The following GALNT14 variants were observed in gnomAD, a reference collection of about 807,000 sequenced individuals.
GALNT14 encodes polypeptide N-acetylgalactosaminyltransferase 14.
Under a neutral mutation model 77.5 loss-of-function variants are expected in GALNT14, and 60 were observed. The observed-to-expected ratio is 0.77, with a 90% CI of 0.63 to 0.96. The LOEUF (loss-of-function observed/expected upper bound fraction) is 0.96, where lower values mean the gene tolerates loss of function less well. Ranked by LOEUF, GALNT14 falls within the 40% of genes least tolerant of loss-of-function variation. The pLI, the probability that GALNT14 is intolerant of heterozygous loss-of-function variation, is 0.00. For missense variants in GALNT14, 710 were observed against 731.0 expected, an observed-to-expected ratio of 0.97 and a Z score of 0.33; for synonymous variants, 280 against 281.7, an observed-to-expected ratio of 0.99 and a Z score of 0.06.
chr2:30,976,514 G>C (rs1445426675), intron 2 of GALNT14, among the ~76,000 whole-genome samples: 1 of 152,082 alleles, frequency 6.6e-6, no homozygotes, highest in African/African-American at 2.4e-5. Flanking sequence ...GCAGATCTAT[G>C]GAGGCTGCAA....
intron 2 of GALNT14, among the ~76,000 whole-genome samples, chr2:30,992,174 G>T (rs544323476): frequency 2.6e-5 from 4 of 152,244 alleles, no homozygotes; most frequent in Non-Finnish European, 5.9e-5. Flanking sequence ...CTCTATAAAG[G>T]GTCGGTCGTG....
intron 2 of GALNT14, among the ~76,000 whole-genome samples, chr2:30,973,685 G>T (rs1375885586): frequency 1.3e-5 from 2 of 152,150 alleles, no homozygotes; most frequent in Non-Finnish European, 2.9e-5. Flanking sequence ...CATTTCATGG[G>T]CAACACTGAT....
Position 31,053,881 on chromosome 2 carries a change from G to T in GALNT14, c.130-60874C>A, listed in dbSNP as rs72854833. On this transcript the variant is annotated intron_variant, in intron 1 of 14. Coordinates refer to ENST00000349752, the MANE Select transcript of GALNT14 (RefSeq NM_024572.4). ...ATAGCATTTAAGTCTGATCAAGGCT[G>T]GTAAGACCCTTCTGGGCTTCTCTTA... 6.0e-3 allele frequency among the ~76,000 whole-genome samples: 912 copies of T among 152,270 alleles called. 8 individuals are homozygous for T. The highest frequency in any genetic ancestry group is 0.021 in the African/African-American group (856 of 41,534).
At chr2:30,965,122 C>T (rs187500718) in intron 3 of GALNT14, among the ~76,000 whole-genome samples, 5 of 152,060 alleles carry the variant, frequency 3.3e-5, no homozygotes, top group Admixed American at 2.0e-4. Context: ...TTCCTGGCCC[C>T]GAAGGATGCT....
intron 3 of GALNT14, among the ~76,000 whole-genome samples, chr2:30,963,965 C>A (rs1266273549): frequency 1.3e-5 from 2 of 152,174 alleles, no homozygotes; most frequent in East Asian, 3.8e-4. Flanking sequence ...TAAGATAAGT[C>A]CTTGCCCTAA....
intron 1 of GALNT14, among the ~76,000 whole-genome samples, chr2:31,048,627 C>CT (rs369825736): frequency 4.0e-5 from 6 of 151,622 alleles, no homozygotes; most frequent in East Asian, 1.9e-4. Flanking sequence ...CCTGCCTCCC[C>CT]GCAGCAGCAA....
chr2:30,938,401 C>A (rs1666189070), intron 9 of GALNT14, among the ~76,000 whole-genome samples: 1 of 151,966 alleles, frequency 6.6e-6, no homozygotes, highest in African/African-American at 2.4e-5. Flanking sequence ...CTCTCTCTCT[C>A]TCTCTCTAAC....
At chr2:31,018,544 G>A (rs775375776) in intron 1 of GALNT14, among the ~76,000 whole-genome samples, 5 of 152,154 alleles carry the variant, frequency 3.3e-5, no homozygotes, top group South Asian at 2.1e-4. Context: ...ATCCAGTCAC[G>A]TCCCATCAGG....
At chr2:31,131,945 G>T (rs1033994377) in intron 1 of GALNT14, among the ~76,000 whole-genome samples, 5 of 152,150 alleles carry the variant, frequency 3.3e-5, no homozygotes, top group Non-Finnish European at 7.4e-5. Flanking sequence ...ATTTGAGTAG[G>T]TATCATTCTG....
intron 9 of GALNT14, among the ~76,000 whole-genome samples, chr2:30,933,658 G>A (rs1392886747): frequency 6.6e-6 from 1 of 152,042 alleles, no homozygotes; most frequent in Non-Finnish European, 1.5e-5. Context: ...TAGACTCAAG[G>A]AGGAAGAGAG....
intron 1 of GALNT14, among the ~76,000 whole-genome samples, chr2:31,090,970 A>C (rs1046534436): frequency 1.3e-5 from 2 of 152,170 alleles, no homozygotes; most frequent in Non-Finnish European, 2.9e-5. Context: ...CTCCCTCAAA[A>C]ATATTTTCAC....
intron 1 of GALNT14, among the ~76,000 whole-genome samples, chr2:31,037,900 G>A (rs934578452): frequency 5.9e-5 from 9 of 151,490 alleles, no homozygotes; most frequent in African/African-American, 2.2e-4. Context: ...TCAGCCAAAG[G>A]TGAAAGATTA....
Position 30,910,601 on chromosome 2 carries a change from A to T in GALNT14, c.*300T>A, listed in dbSNP as rs1664297413. 2 of 279,680 alleles carry T rather than the reference A, an allele frequency of 7.2e-6. No individual in the cohort carries two copies. Among genetic ancestry groups the T allele is most frequent in the African/African-American group, 4.4e-5 (2 of 45,370 alleles). The allele number at this position is 279,680 out of a possible 1,614,324, so 17.3% of individuals were successfully genotyped here. A position where few individuals can be genotyped will look rare whatever the true frequency, so the allele number is the denominator to read the frequency against. The stretch of plus-strand genomic sequence containing the variant: ...TCCAGAGACTGCTTCCTTTGTAGGA[A>T]AAGGAACAATAAACACTTCCCATTA... On this transcript the variant is annotated 3_prime_UTR_variant, in exon 15 of 15. Transcript: ENST00000349752.
intron 1 of GALNT14, among the ~76,000 whole-genome samples, chr2:31,078,189 T>C (rs1023832084): frequency 6.6e-6 from 1 of 152,152 alleles, no homozygotes; most frequent in African/African-American, 2.4e-5. Flanking sequence ...TGTTCATTAG[T>C]CAATAGGGAC....
At chr2:30,988,942 G>A (rs1318376387) in intron 2 of GALNT14, among the ~76,000 whole-genome samples, 5 of 152,168 alleles carry the variant, frequency 3.3e-5, no homozygotes, top group South Asian at 2.1e-4. Flanking sequence ...AGTGTGATCC[G>A]TGGACTAGCG....
At chr2:31,010,280 G>A (rs912415589) in intron 1 of GALNT14, among the ~76,000 whole-genome samples, 16 of 152,254 alleles carry the variant, frequency 1.1e-4, no homozygotes, top group East Asian at 3.9e-4. Context: ...GAACCACTGC[G>A]CCTGGCCCAA....
intron 1 of GALNT14, among the ~76,000 whole-genome samples, chr2:31,123,618 C>G (rs541757205): frequency 6.6e-6 from 1 of 152,164 alleles, no homozygotes. Flanking sequence ...CCTTCTTCTT[C>G]TAATAAGCAG....
intron 10 of GALNT14, 53 bp from the exon 11 acceptor site, chr2:30,929,540 C>CCTTA: frequency 7.5e-7 from 1 of 1,327,388 alleles, no homozygotes; most frequent in Non-Finnish European, 1.1e-6. Flanking sequence ...TCTGAGAGGC[C>CCTTA]CTGTGAGTGC....
chr2:31,080,194 T>C (rs188716228), intron 1 of GALNT14, among the ~76,000 whole-genome samples: 29 of 152,314 alleles, frequency 1.9e-4, no homozygotes, highest in Non-Finnish European at 1.5e-5. Flanking sequence ...ATTGGACTGA[T>C]ACTCAGCACC....
Sources: gnomAD v4.1 joint callset for allele counts (sites outside exome capture counted in the v4.1 genomes callset) on GRCh38, gnomAD v4.1.1 for gene constraint, MANE v1.5 for transcripts, NCBI Gene and HGNC (gene_info 2026-07-23, HGNC 2026-07-21) for gene names.